The following SLX4 variants were observed in gnomAD, a reference collection of about 807,000 sequenced individuals.
SLX4 encodes structure-specific endonuclease subunit SLX4.
In SLX4, 112 loss-of-function variants were observed where a neutral mutation model predicts 146.2. The ratio of observed to expected loss-of-function variants is 0.77; its 90% confidence interval spans 0.66 to 0.90. The LOEUF is 0.90. Among genes scored for constraint, SLX4 ranks in the 40% least tolerant of loss-of-function variants. The pLI is 0.00. For missense variants in SLX4, 2,563 were observed against 2,392.7 expected (o/e 1.07, Z -1.49); for synonymous variants, 1,061 against 997.7 (o/e 1.06, Z -1.20).
In SLX4 at chr16:3,590,458, C is replaced by T. The variant is rs747169328; in HGVS notation, c.3180G>A (p.Arg1060=). The T allele has an allele frequency of 2.2e-5, 35 of 1,614,136 alleles. No homozygotes were observed. The South Asian group carries it at 3.7e-4, about 17-fold the overall frequency. ...CCACCTGGGAAGTTCCGCCACGGGA[C>T]CGGGGTGTTGACAGGGACGACCCAC... ...HTSGSSLSTP[R]SRGGTSQVGS... The change falls in exon 12 of 15, where the codon CGG becomes CGA. Residue 1060 remains arginine (R), a synonymous_variant. Transcript: ENST00000294008. This position sits in a 1 kb window ranked among gnomAD's most constrained non-coding sequence, Gnocchi z 4.8.
At chr16:3,592,614 C>G in intron 11 of SLX4, 85 bp downstream of exon 11, 1 of 1,484,786 alleles carries the variant, frequency 6.7e-7, no homozygotes. Flanking sequence ...GCCTCAGCCC[C>G]GAGCCCTCTG....
chr16:3,583,855 T>C (rs9923287), intron 13 of SLX4, among the ~76,000 whole-genome samples: 11,902 of 151,640 alleles, frequency 0.078, 794 homozygotes, highest in African/African-American at 0.18. Context: ...ATACAAAAAT[T>C]AGCCAGGCGT....
chr16:3,603,559 C>A lies in SLX4; in HGVS notation c.761-1252G>T, dbSNP rs1445254645. Among the ~76,000 whole-genome samples the A allele has an allele frequency of 3.3e-5, 5 of 152,350 alleles. No homozygotes were observed. In the East Asian group the frequency reaches 9.6e-4, roughly 29 times the overall value. On this transcript the variant is annotated intron_variant, in intron 3 of 14. Transcript: ENST00000294008. ...GTGGACCCTGGGGTGGCCTGAGACT[C>A]CTCCGTGCTACTGCAGTGAAATCTG...
Position 3,590,480 on chromosome 16 carries a change from C to G in SLX4, c.3158G>C (p.Gly1053Ala). The G allele has an allele frequency of 6.2e-7, 1 of 1,614,094 alleles. No homozygotes were observed. Among genetic ancestry groups the G allele is most frequent in the South Asian group, 1.1e-5 (1 of 91,082 alleles). Residue 1053 changes from glycine to alanine, a missense_variant, in exon 12 of 15, where the codon GGG (glycine) becomes GCG (alanine). By Grantham distance (60) the Gly-to-Ala change is moderately conservative. Transcript: ENST00000294008. The surrounding 1 kb of genome is among the most constrained non-coding windows in gnomAD (Gnocchi z 4.8). ...GSPRGSHHTS[G>A]SSLSTPRSRG... ...GGACCGGGGTGTTGACAGGGACGAC[C>G]CACTTGTGTGATGAGACCCGCGGGG...
intron 9 of SLX4, 126 bp downstream of exon 9, chr16:3,595,479 G>A: frequency 9.7e-7 from 1 of 1,027,046 alleles, no homozygotes; most frequent in Non-Finnish European, 1.5e-6. Flanking sequence ...CTTCTGGAAA[G>A]CAGAGGCCTT....
At position 3,594,517 on chromosome 16, in the gene SLX4, C is replaced by A; in HGVS notation, c.2096G>T (p.Ser699Ile). 10 of 1,614,178 alleles carry A rather than the reference C, an allele frequency of 6.2e-6. No homozygotes were observed. Among genetic ancestry groups the A allele is most frequent in the Non-Finnish European group, 8.5e-6 (10 of 1,180,034 alleles). The part of the protein sequence containing the change: ...HLSDVQFQTD[S>I]GEVLYAHKFV... ...CTTGTGGGCGTAAAGCACCTCCCCGCTGTCCGTCTGAAACTGGACATCACT... is the reference window on the plus strand; with the variant it reads ...CTTGTGGGCGTAAAGCACCTCCCCGATGTCCGTCTGAAACTGGACATCACT... Residue 699 changes from serine to isoleucine, a missense_variant, in exon 10 of 15, where the codon AGC becomes ATC. Coordinates refer to ENST00000294008, the MANE Select transcript of SLX4 (RefSeq NM_032444.4).
Position 3,590,403 on chromosome 16 carries a change from GC to G in SLX4, c.3234del (p.Pro1079HisfsTer37). On this transcript the variant is annotated frameshift_variant, in exon 12 of 15. Coordinates refer to ENST00000294008, the MANE Select transcript of SLX4 (RefSeq NM_032444.4). LOFTEE classifies it high-confidence loss of function. The surrounding 1 kb of genome is among the most constrained non-coding windows in gnomAD (Gnocchi z 4.8). ...VGSPTLLSPA[V>X]PSKQKRDRSI... is the part of the protein sequence containing the mutation. ...CTCCTGTCCCTTTTCTGCTTTGATGGCACAGCTGGAGACAGCAAGGTTGGGG... is the reference window on the plus strand; with the variant it reads ...CTCCTGTCCCTTTTCTGCTTTGATGGACAGCTGGAGACAGCAAGGTTGGGG... 6.2e-7 allele frequency: 1 copy of G among 1,614,194 alleles called. No individual in the cohort carries two copies. Among genetic ancestry groups the G allele is most frequent in the Non-Finnish European group, 8.5e-7 (1 of 1,180,032 alleles).
Position 3,582,610 on chromosome 16 carries a change from GCTGC to G in SLX4, c.5233_5236del (p.Ala1745ProfsTer11). The G allele has an allele frequency of 6.2e-7, 1 of 1,613,506 alleles. No homozygotes were observed. The highest frequency in any genetic ancestry group is 8.5e-7 in the Non-Finnish European group (1 of 1,180,036). On this transcript the variant is annotated frameshift_variant, in exon 15 of 15. Coordinates refer to ENST00000294008, the MANE Select transcript of SLX4 (RefSeq NM_032444.4). LOFTEE classifies it low-confidence loss of function (END_TRUNC). ...CTCGTCTGTGTCCGCCGCCTGCACG[GCTGC>G]CTGCGAGGCACTGACCTCCCCCTCG... is the stretch of plus-strand genomic sequence containing the variant.
intron 9 of SLX4, 100 bp from the exon 10 acceptor site, chr16:3,594,699 G>C: frequency 6.6e-7 from 1 of 1,523,634 alleles, no homozygotes; most frequent in South Asian, 1.1e-5. Flanking sequence ...AGGGTGGGCC[G>C]GGAGCCAGGA....
rs2151127307 is a variant in SLX4 at position 3,592,848 on chromosome 16, G to A, written c.2178C>T (p.Phe726=). The A allele has an allele frequency of 6.2e-7, 1 of 1,611,318 alleles. No individual in the cohort carries two copies. Among genetic ancestry groups the A allele is most frequent in the Non-Finnish European group, 8.5e-7 (1 of 1,179,334 alleles). ...TCAGAACCCCGTCCTCTACAGCGGA[G>A]AAGCCTTCATTGTTCACCTGCAGGT... ...LLIQYVNNEG[F]SAVEDGVLTQ... is the part of the protein sequence containing the mutation. Residue 726 remains phenylalanine, a synonymous_variant, in exon 11 of 15, where the codon TTC becomes TTT. Coordinates refer to ENST00000294008, the MANE Select transcript of SLX4 (RefSeq NM_032444.4).
chr16:3,595,723 C>A (rs149916101), intron 8 of SLX4, 30 bp from the exon 9 acceptor site: 10 of 1,609,642 alleles, frequency 6.2e-6, no homozygotes, highest in Non-Finnish European at 8.5e-6. Flanking sequence ...GTTAAAGGAA[C>A]GTCACAGCCC....
intron 11 of SLX4, among the ~76,000 whole-genome samples, chr16:3,592,435 A>C (rs933550828): frequency 6.6e-6 from 1 of 152,172 alleles, no homozygotes; most frequent in African/African-American, 2.4e-5. Context: ...TATCACACCT[A>C]GGGGGTTAAA....
At chr16:3,610,610 C>T (rs2040848582) in intron 1 of SLX4, among the ~76,000 whole-genome samples, 1 of 152,212 alleles carries the variant, frequency 6.6e-6, no homozygotes, top group Non-Finnish European at 1.5e-5. Context: ...TTCACAGTGG[C>T]AGGGCTGGGA....
Position 3,606,620 on chromosome 16 carries a change from G to A in SLX4, c.614C>T (p.Thr205Ile), listed in dbSNP as rs2040787241. The A allele has an allele frequency of 6.2e-7, 1 of 1,614,218 alleles. No individual in the cohort carries two copies. Among genetic ancestry groups the A allele is most frequent in the Non-Finnish European group, 8.5e-7 (1 of 1,180,050 alleles). ...TAVPSPSKPR[T>I]AQLVLQRMQQ... ...CATTCGCTGTAGGACCAATTGTGCT[G>A]TGCGGGGTTTGGAGGGACTTGGCAC... The change falls in exon 3 of 15, where the codon ACA (threonine) becomes ATA (isoleucine). Residue 205 changes from threonine to isoleucine, a missense_variant. Physicochemically the swap from Thr to Ile is moderately conservative, Grantham distance 89. Transcript: ENST00000294008.
At position 3,606,496 on chromosome 16, in the gene SLX4, T is replaced by C. The variant is rs905819290; in HGVS notation, c.738A>G (p.Gln246=). Reference sequence around the variant, plus strand: ...TACCATTCCCCGCCATCATCTCCTCTTGAGGATCCTTTGGGACATTTTCTT... The same window carrying C: ...TACCATTCCCCGCCATCATCTCCTCCTGAGGATCCTTTGGGACATTTTCTT... ...AREENVPKDP[Q]EEMMAGNVYG... is the part of the protein sequence containing the mutation. Residue 246 remains glutamine (Q), a synonymous_variant, in exon 3 of 15, where the codon CAA becomes CAG. Transcript: ENST00000294008. The C allele has an allele frequency of 2.5e-6, 4 of 1,614,248 alleles. No homozygotes were observed. Among genetic ancestry groups the C allele is most frequent in the Non-Finnish European group, 2.5e-6 (3 of 1,180,042 alleles).
chr16:3,604,216 C>CAA (rs1215741550), intron 3 of SLX4, among the ~76,000 whole-genome samples: 120 of 63,776 alleles, frequency 1.9e-3, no homozygotes, highest in African/African-American at 5.9e-3. Flanking sequence ...AAGCCTCTGT[C>CAA]AAAAAAAAAA....
intron 9 of SLX4, among the ~76,000 whole-genome samples, chr16:3,595,121 A>C (rs1403348428): frequency 6.6e-6 from 1 of 152,092 alleles, no homozygotes; most frequent in Non-Finnish European, 1.5e-5. Context: ...GCCAGTTCCC[A>C]CCCCGGTTCT....
rs748999040 is a variant in SLX4, at chr16:3,589,473, C to G, written c.4165G>C (p.Ala1389Pro). ...PGPSFLNQTP[A>P]GEVVEVGDSD... is the part of the protein sequence containing the mutation. Reference sequence around the variant, plus strand: ...TCTCCGACTTCCACCACTTCACCCGCTGGGGTCTGGTTCAGGAAGCTTGGC... The same window carrying G: ...TCTCCGACTTCCACCACTTCACCCGGTGGGGTCTGGTTCAGGAAGCTTGGC... The change falls in exon 12 of 15, where the codon GCG becomes CCG. Residue 1389 changes from alanine to proline, a missense_variant. Coordinates refer to ENST00000294008, the MANE Select transcript of SLX4 (RefSeq NM_032444.4). This position sits in a 1 kb window ranked among gnomAD's most constrained non-coding sequence, Gnocchi z 6.2. The G allele has an allele frequency of 6.2e-7, 1 of 1,608,952 alleles. No homozygotes were observed. Among genetic ancestry groups the G allele is most frequent in the Non-Finnish European group, 8.5e-7 (1 of 1,176,114 alleles).
At position 3,597,544 on chromosome 16, in the gene SLX4, G is replaced by A; in HGVS notation, c.1518C>T (p.Ser506=). ...ELSSTPPLPA[S]RILKEGWERA... is the part of the protein sequence containing the mutation. ...TTTCCCACCCTTCCTTTAAAATCCT[G>A]CTGGCAGGAAGTGGTGGCGTGCTAG... The change falls in exon 7 of 15, where the codon AGC becomes AGT. Residue 506 remains serine, a synonymous_variant. Coordinates refer to ENST00000294008, the MANE Select transcript of SLX4 (RefSeq NM_032444.4). This position sits in a 1 kb window ranked among gnomAD's most constrained non-coding sequence, Gnocchi z 4.4. 6.2e-7 allele frequency: 1 copy of A among 1,614,150 alleles called. No individual in the cohort carries two copies. The highest frequency in any genetic ancestry group is 1.3e-5 in the African/African-American group (1 of 75,034).
Sources: allele counts gnomAD v4.1 joint callset (sites outside exome capture counted in the v4.1 genomes callset), GRCh38; gene constraint gnomAD v4.1.1; non-coding constraint Gnocchi (gnomAD v3.1); transcripts MANE v1.5; gene names NCBI Gene and HGNC (gene_info 2026-07-23, HGNC 2026-07-21).